Variants in ZFP30 observed in about 807,000 individuals in gnomAD.
ZFP30 encodes zinc finger protein 30 homolog.
ZFP30 carries 16 observed loss-of-function variants against 12.3 expected under a neutral mutation model. The ratio of observed to expected loss-of-function variants is 1.30; its 90% confidence interval spans 0.88 to 1.98. The LOEUF is 1.98. Ranked by LOEUF, ZFP30 falls within the 30% of genes most tolerant of loss-of-function variation. The probability of loss-of-function intolerance (pLI) is 0.00; values close to 1 mark genes in which losing one functional copy is unlikely to be tolerated. For missense variants in ZFP30, 560 were observed against 611.2 expected (o/e 0.92, Z 0.88); for synonymous variants, 172 against 201.0 (o/e 0.86, Z 1.22).
chr19:37,635,316 G>A lies in ZFP30; in HGVS notation c.1225C>T (p.Pro409Ser). The change falls in exon 6 of 6, where the codon CCT (proline) becomes TCT (serine). Residue 409 changes from proline (P) to serine (S), a missense_variant. Physicochemically the swap from Pro to Ser is moderately conservative, Grantham distance 74 (BLOSUM62 -1). Coordinates refer to ENST00000684514, the MANE Select transcript of ZFP30 (RefSeq NM_001320669.3). ...SHQGIHIGEKPYECKECGKAF... is the reference protein window; with the variant it reads ...SHQGIHIGEKSYECKECGKAF... ...TTCCCACATTCCTTACATTCATAAG[G>A]TTTCTCTCCAATGTGAATACCCTGA... The A allele has an allele frequency of 1.2e-6, 2 of 1,613,990 alleles. No individual in the cohort carries two copies. The highest frequency in any genetic ancestry group is 1.7e-6 in the Non-Finnish European group (2 of 1,179,940).
At chr19:37,648,463 C>T (rs867773484) in intron 2 of ZFP30, among the ~76,000 whole-genome samples, 13 of 152,136 alleles carry the variant, frequency 8.5e-5, no homozygotes, top group African/African-American at 1.9e-4. Flanking sequence ...ATTAGTGTGA[C>T]GTGGGATTTA....
At chr19:37,637,425 G>A (rs544261236) in intron 5 of ZFP30, among the ~76,000 whole-genome samples, 3 of 150,512 alleles carry the variant, frequency 2.0e-5, no homozygotes, top group Non-Finnish European at 3.0e-5. Flanking sequence ...TCCTGACCTC[G>A]TGATCCACCT....
rs541743305 is a variant in ZFP30 at position 37,632,844 on chromosome 19, G to A, written c.*2137C>T. The A allele has an allele frequency of 6.6e-6, 1 of 152,318 alleles. No homozygotes were observed. Among genetic ancestry groups the A allele is most frequent in the African/African-American group, 2.4e-5 (1 of 41,564 alleles). 9.4% of individuals were successfully genotyped at this position (152,318 alleles called of 1,614,324 possible). ...AGTCCATTATTTCCCACATTTAGCA[G>A]TAGTAATTGCTTTCTTTTACTCATT... On this transcript the variant is annotated 3_prime_UTR_variant, in exon 6 of 6. Transcript: ENST00000684514.
chr19:37,636,388 C>CAAAAAAAAAAAA, intron 5 of ZFP30, 83 bp from the exon 6 acceptor site: 1 of 793,434 alleles, frequency 1.3e-6, no homozygotes, highest in Non-Finnish European at 1.6e-6. Context: ...AATCGGTGAC[C>CAAAAAAAAAAAA]AAAAAAAAAA....
Position 37,635,408 on chromosome 19 carries a change from C to T in ZFP30, c.1133G>A (p.Gly378Asp). ...HLTLHQRIHT[G>D]EKPYECKECQ... ...TTCCTTACATTCATAGGGCTTTTCA[C>T]CAGTATGTATTCTCTGATGGAGAGT... The change falls in exon 6 of 6, where the codon GGT becomes GAT. Residue 378 changes from glycine (G) to aspartate (D), a missense_variant. Transcript: ENST00000684514. 1.2e-6 allele frequency: 2 copies of T among 1,614,086 alleles called. No individual in the cohort carries two copies. The highest frequency in any genetic ancestry group is 1.7e-6 in the Non-Finnish European group (2 of 1,180,030).
intron 5 of ZFP30, among the ~76,000 whole-genome samples, chr19:37,636,858 G>A (rs1367982859): frequency 6.6e-6 from 1 of 152,008 alleles, no homozygotes; most frequent in Non-Finnish European, 1.5e-5. Context: ...TTACAGGAGT[G>A]CGCCACCATA....
intron 5 of ZFP30, among the ~76,000 whole-genome samples, chr19:37,637,517 G>C (rs1005495226): frequency 6.6e-6 from 1 of 150,476 alleles, no homozygotes; most frequent in African/African-American, 2.4e-5. Context: ...TTGAGACAGA[G>C]TCTCACTGTG....
At chr19:37,642,985 G>A (rs569199728) in intron 5 of ZFP30, among the ~76,000 whole-genome samples, 52 of 150,990 alleles carry the variant, frequency 3.4e-4, no homozygotes, top group African/African-American at 1.2e-3. Flanking sequence ...CCCGGGAGGC[G>A]GAGCTTGCAG....
intron 2 of ZFP30, among the ~76,000 whole-genome samples, chr19:37,648,282 C>A (rs1413559576): frequency 6.6e-6 from 1 of 152,140 alleles, no homozygotes; most frequent in Non-Finnish European, 1.5e-5. Flanking sequence ...GGGGCTACAC[C>A]ATCTAAACCA....
chr19:37,640,482 CA>C, intron 5 of ZFP30, among the ~76,000 whole-genome samples: 2 of 150,628 alleles, frequency 1.3e-5, no homozygotes, highest in Non-Finnish European at 3.0e-5. Flanking sequence ...TCTACTGAAT[CA>C]AAGAGTTTAG....
intron 1 of ZFP30, chr19:37,655,124 T>A (rs2044727498): frequency 6.6e-6 from 1 of 152,308 alleles, no homozygotes. Flanking sequence ...TTGGGCCTTT[T>A]CGCTACGGCC....
Position 37,647,901 on chromosome 19 carries a change from T to C in ZFP30, c.-77-2A>G. On this transcript the variant is annotated splice_acceptor_variant, in intron 2 of 5. Transcript: ENST00000684514. LOFTEE classifies it low-confidence loss of function (5UTR_SPLICE). Reference sequence around the variant, plus strand: ...AAGCAGGGTCCACAGACACCAGAGCTGCAGAAAGAACATGTAAAATCATGA... The same window carrying C: ...AAGCAGGGTCCACAGACACCAGAGCCGCAGAAAGAACATGTAAAATCATGA... 1.3e-6 allele frequency: 2 copies of C among 1,524,484 alleles called. No individual in the cohort carries two copies. The highest frequency in any genetic ancestry group is 3.5e-5 in the Admixed American group (2 of 57,324). 94.4% of individuals were successfully genotyped at this position (1,524,484 alleles called of 1,614,324 possible).
Position 37,654,739 on chromosome 19 carries a change from G to A in ZFP30, c.-105C>T, listed in dbSNP as rs907865465. 2.0e-5 allele frequency: 3 copies of A among 152,326 alleles called. No homozygotes were observed. The highest frequency in any genetic ancestry group is 4.4e-5 in the Non-Finnish European group (3 of 68,150). 9.4% of individuals were successfully genotyped at this position (152,326 alleles called of 1,614,324 possible). A position where few individuals can be genotyped will look rare whatever the true frequency, so the allele number is the denominator to read the frequency against. ...GGAACCGGCTTTTAGAAGAGCAGCA[G>A]CGATTCGTTTCTCCTTCTCAAGCGC... On this transcript the variant is annotated 5_prime_UTR_variant, in exon 2 of 6. Coordinates refer to ENST00000684514, the MANE Select transcript of ZFP30 (RefSeq NM_001320669.3).
At chr19:37,636,719 CTT>C (rs951582570) in intron 5 of ZFP30, among the ~76,000 whole-genome samples, 1 of 145,694 alleles carries the variant, frequency 6.9e-6, no homozygotes, top group Admixed American at 6.9e-5. Context: ...TCTTTCTTTT[CTT>C]TTTTTTTTTT....
intron 2 of ZFP30, among the ~76,000 whole-genome samples, chr19:37,650,941 T>C (rs1255487708): frequency 1.3e-5 from 2 of 152,104 alleles, no homozygotes; most frequent in Non-Finnish European, 2.9e-5. Flanking sequence ...TTTTGTCATG[T>C]TGGCCAGGCT....
At position 37,636,124 on chromosome 19, in the gene ZFP30, G is replaced by A. The variant is rs773892553; in HGVS notation, c.417C>T (p.Tyr139=). The change falls in exon 6 of 6, where the codon TAC becomes TAT. Residue 139 remains tyrosine, a synonymous_variant. Transcript: ENST00000684514. ...TKTTSEKMPT[Y]RKLTSLPLYQ... Reference sequence around the variant, plus strand: ...ACAGAGGAAGAGATGTGAGTTTTCTGTAAGTAGGCATTTTTTCAGAGGTGG... The same window carrying A: ...ACAGAGGAAGAGATGTGAGTTTTCTATAAGTAGGCATTTTTTCAGAGGTGG... 2 of 1,614,154 alleles carry A rather than the reference G, an allele frequency of 1.2e-6. No individual in the cohort carries two copies. The highest frequency in any genetic ancestry group is 1.7e-6 in the Non-Finnish European group (2 of 1,180,026).
chr19:37,641,911 G>A (rs1353420124), intron 5 of ZFP30, among the ~76,000 whole-genome samples: 1 of 152,082 alleles, frequency 6.6e-6, no homozygotes, highest in Non-Finnish European at 1.5e-5. Context: ...TTCTGAATTT[G>A]GCTCACTACA....
Position 37,635,035 on chromosome 19 carries a change from T to A in ZFP30, c.1506A>T (p.Ala502=). The A allele has an allele frequency of 6.3e-7, 1 of 1,592,340 alleles. No homozygotes were observed. Among genetic ancestry groups the A allele is most frequent in the Non-Finnish European group, 8.5e-7 (1 of 1,171,974 alleles). Residue 502 remains alanine, a synonymous_variant, in exon 6 of 6, where the codon GCA becomes GCT. Coordinates refer to ENST00000684514, the MANE Select transcript of ZFP30 (RefSeq NM_001320669.3). ...KPYKCKECKK[A]FRQHSHLTYH... ...AAGTAAGATGTGAATGTTGTCTAAA[T>A]GCCTTTTTACATTCCTTACATTTGT...
intron 5 of ZFP30, among the ~76,000 whole-genome samples, chr19:37,640,972 A>T (rs2044423475): frequency 6.6e-6 from 1 of 152,202 alleles, no homozygotes; most frequent in Non-Finnish European, 1.5e-5. Context: ...TGTACTTCTG[A>T]AAATTAACAC....
Sources: gnomAD v4.1 joint callset for allele counts (sites outside exome capture counted in the v4.1 genomes callset) on GRCh38, gnomAD v4.1.1 for gene constraint, MANE v1.5 for transcripts, NCBI Gene and HGNC (gene_info 2026-07-23, HGNC 2026-07-21) for gene names.